Variants in ADAMTS19 observed in about 807,000 individuals in gnomAD.
ADAMTS19 encodes the protein A disintegrin and metalloproteinase with thrombospondin motifs 19.
A neutral mutation model predicts 153.3 loss-of-function variants in ADAMTS19; 93 were observed. The observed-to-expected ratio is 0.61, with a 90% CI of 0.51 to 0.72. The LOEUF is 0.72. Among genes scored for constraint, ADAMTS19 ranks in the 30% least tolerant of loss-of-function variants. ADAMTS19 has a pLI of 0.00. For missense variants in ADAMTS19, 1,482 were observed against 1,552.1 expected, an observed-to-expected ratio of 0.95 and a Z score of 0.76; for synonymous variants, 600 against 556.6, an observed-to-expected ratio of 1.08 and a Z score of -1.10.
chr5:129,706,415 C>T (rs1756154395), intron 21 of ADAMTS19, among the ~76,000 whole-genome samples: 2 of 151,938 alleles, frequency 1.3e-5, no homozygotes, highest in Non-Finnish European at 1.5e-5. Context: ...ACTGAAAATA[C>T]AAAATTAGCT....
intron 6 of ADAMTS19, among the ~76,000 whole-genome samples, chr5:129,535,427 G>A (rs1459331260): frequency 6.6e-6 from 1 of 152,108 alleles, no homozygotes; most frequent in African/African-American, 2.4e-5. Flanking sequence ...CAAACAAATG[G>A]AAGAACATTC....
intron 8 of ADAMTS19, among the ~76,000 whole-genome samples, chr5:129,609,625 G>T (rs575135177): frequency 6.6e-6 from 1 of 152,070 alleles, no homozygotes; most frequent in Non-Finnish European, 1.5e-5. Context: ...ACGATACCAC[G>T]TAGAATAATA....
chr5:129,730,897 G>A (rs996406948), intron 21 of ADAMTS19, among the ~76,000 whole-genome samples: 1 of 151,838 alleles, frequency 6.6e-6, no homozygotes, highest in Non-Finnish European at 1.5e-5. Context: ...AGCTTTCATG[G>A]AGAAGCTGGA....
rs561144232 is a variant in ADAMTS19 at position 129,575,410 on chromosome 5, A to G, written c.1373-21149A>G. ...CAGAATTCCTGATTTATGTGCAATC[A>G]GAACACTTTTAAATTTTTCCAGCTG... On this transcript the variant is annotated intron_variant, in intron 7 of 22. Transcript: ENST00000274487. Among the ~76,000 whole-genome samples, 10 of 152,216 alleles carry G rather than the reference A, an allele frequency of 6.6e-5. No homozygotes were observed. In the South Asian group the frequency reaches 2.1e-3, roughly 32 times the overall value.
intron 10 of ADAMTS19, among the ~76,000 whole-genome samples, chr5:129,634,886 AAT>A (rs903154869): frequency 8.4e-5 from 12 of 142,530 alleles, no homozygotes; most frequent in African/African-American, 3.3e-4. Context: ...ACAAAAGCAA[AAT>A]AAAAGAGAGA....
chr5:129,559,322 G>A (rs1753420376), intron 7 of ADAMTS19, among the ~76,000 whole-genome samples: 1 of 151,916 alleles, frequency 6.6e-6, no homozygotes, highest in African/African-American at 2.4e-5. Context: ...AAACAAGGAA[G>A]TAGACATGCC....
chr5:129,593,790 A>T (rs1395040872), intron 7 of ADAMTS19, among the ~76,000 whole-genome samples: 1 of 152,064 alleles, frequency 6.6e-6, no homozygotes, highest in Non-Finnish European at 1.5e-5. Flanking sequence ...GTGCTCTCCA[A>T]ACTCATGCAC....
chr5:129,738,063 G>A lies in ADAMTS19; in HGVS notation c.*845G>A, dbSNP rs1757747339. On this transcript the variant is annotated 3_prime_UTR_variant, in exon 23 of 23. Transcript: ENST00000274487. ...CCACCCATTTCCCTGTATCTTTTTA[G>A]CAGATTTATTAAAGAGTATAGTACT... 6.6e-6 allele frequency: 1 copy of A among 152,232 alleles called. No homozygotes were observed. Among genetic ancestry groups the A allele is most frequent in the African/African-American group, 2.4e-5 (1 of 41,342 alleles). 9.4% of individuals were successfully genotyped at this position (152,232 alleles called of 1,614,324 possible).
chr5:129,548,873 A>G (rs1057419164), intron 6 of ADAMTS19, among the ~76,000 whole-genome samples: 3 of 151,658 alleles, frequency 2.0e-5, no homozygotes, highest in Admixed American at 6.6e-5. Flanking sequence ...CATGTCCTTT[A>G]TAGGGACATG....
At chr5:129,529,458 C>A (rs1367348012) in intron 6 of ADAMTS19, among the ~76,000 whole-genome samples, 5 of 152,132 alleles carry the variant, frequency 3.3e-5, no homozygotes, top group Non-Finnish European at 7.3e-5. Context: ...TGCAGGAACA[C>A]AATTGGACTT....
chr5:129,498,790 T>C (rs2126705608), intron 2 of ADAMTS19, among the ~76,000 whole-genome samples: 1 of 145,614 alleles, frequency 6.9e-6, no homozygotes, highest in African/African-American at 2.6e-5. Flanking sequence ...TTCTCTAGCA[T>C]TCACTCTATT....
At chr5:129,733,255 G>T (rs2116734) in intron 21 of ADAMTS19, among the ~76,000 whole-genome samples, 2,391 of 151,948 alleles carry the variant, frequency 0.016, 62 homozygotes, top group African/African-American at 0.053. Context: ...TGCAAGGAAT[G>T]TATGAGTAAG....
chr5:129,469,840 C>T (rs1359282565), intron 2 of ADAMTS19, among the ~76,000 whole-genome samples: 1 of 152,038 alleles, frequency 6.6e-6, no homozygotes, highest in Non-Finnish European at 1.5e-5. Context: ...TTAAGTGTAC[C>T]TACCTTTATG....
chr5:129,595,622 G>GT, intron 7 of ADAMTS19, among the ~76,000 whole-genome samples: 1 of 152,064 alleles, frequency 6.6e-6, no homozygotes, highest in African/African-American at 2.4e-5. Context: ...ATTCCATCAT[G>GT]TTTAGTAATT....
Position 129,658,606 on chromosome 5 carries a change from T to C in ADAMTS19, c.2305-11T>C, listed in dbSNP as rs767723886. On this transcript the variant is annotated splice_polypyrimidine_tract_variant and intron_variant, in intron 14 of 22. Transcript: ENST00000274487. Reference sequence around the variant, plus strand: ...TGCTATTTATGATGTGCTGTCACTCTCTTGTTACAGAAAGTTGGCTGTGAT... The same window carrying C: ...TGCTATTTATGATGTGCTGTCACTCCCTTGTTACAGAAAGTTGGCTGTGAT... The C allele has an allele frequency of 6.2e-7, 1 of 1,610,386 alleles. No homozygotes were observed. Among genetic ancestry groups the C allele is most frequent in the Admixed American group, 1.7e-5 (1 of 59,402 alleles).
Position 129,658,325 on chromosome 5 carries a change from G to GAAAGAAAGAA in ADAMTS19, c.2305-290_2305-281dup, listed in dbSNP as rs1554103318. Among the ~76,000 whole-genome samples, 597 of 107,388 alleles carry GAAAGAAAGAA rather than the reference G, an allele frequency of 5.6e-3. 5 individuals are homozygous for GAAAGAAAGAA. The highest frequency in any genetic ancestry group is 0.011 in the South Asian group (31 of 2,732). 70.5% of individuals were successfully genotyped at this position (107,388 alleles called of 152,430 possible). On this transcript the variant is annotated intron_variant, in intron 14 of 22. Transcript: ENST00000274487. Reference sequence around the variant, plus strand: ...AAAGAAAGAAAAAGAAAGAAAGAAAGAAAGAAAGAAAGAAAGAAAGAAAGA... The same window carrying GAAAGAAAGAA: ...AAAGAAAGAAAAAGAAAGAAAGAAAGAAAGAAAGAAAAAGAAAGAAAGAAAGAAAGAAAGA...
intron 6 of ADAMTS19, among the ~76,000 whole-genome samples, chr5:129,546,858 G>A (rs1344746097): frequency 6.6e-6 from 1 of 150,956 alleles, no homozygotes; most frequent in South Asian, 2.1e-4. Context: ...AAAAGAAACC[G>A]TCTAATTTTA....
chr5:129,535,247 A>T (rs1752371396), intron 6 of ADAMTS19, among the ~76,000 whole-genome samples: 3 of 152,332 alleles, frequency 2.0e-5, no homozygotes, highest in Non-Finnish European at 4.4e-5. Flanking sequence ...TGCAAAAATC[A>T]CAAGCATTCT....
chr5:129,698,757 T>C (rs1228778213), intron 19 of ADAMTS19, among the ~76,000 whole-genome samples: 1 of 152,194 alleles, frequency 6.6e-6, no homozygotes, highest in Non-Finnish European at 1.5e-5. Context: ...GGAAAAGATA[T>C]GTAGATGGAC....
Sources: gnomAD v4.1 joint callset for allele counts (sites outside exome capture counted in the v4.1 genomes callset) on GRCh38, gnomAD v4.1.1 for gene constraint, MANE v1.5 for transcripts, NCBI Gene and HGNC (gene_info 2026-07-23, HGNC 2026-07-21) for gene names.